LY75: variants seen among roughly 807,000 people sequenced by gnomAD.
The protein encoded by LY75 is lymphocyte antigen 75.
In LY75, 185 loss-of-function variants were observed where a neutral mutation model predicts 231.7. That is an observed-to-expected ratio of 0.80 (90% CI 0.71 to 0.90). LY75 has a LOEUF of 0.90. Ranked by LOEUF, LY75 falls within the 40% of genes least tolerant of loss-of-function variation. The probability of loss-of-function intolerance (pLI) is 0.00; values close to 1 mark genes in which losing one functional copy is unlikely to be tolerated. For synonymous variants in LY75, 668 were observed against 689.0 expected (o/e 0.97, Z 0.48); for missense variants, 1,947 against 2,050.2 (o/e 0.95, Z 0.97).
Position 159,893,941 on chromosome 2 carries a change from G to A in LY75, c.610C>T (p.Arg204Ter), listed in dbSNP as rs371307279. 3 of 1,612,364 alleles carry A rather than the reference G, an allele frequency of 1.9e-6. No individual in the cohort carries two copies. Among genetic ancestry groups the A allele is most frequent in the Non-Finnish European group, 1.7e-6 (2 of 1,179,314 alleles). ...CATTLNYEYD[R>*]KWGICLKPEN... is the part of the protein sequence containing the mutation. ...GGCTTTAAGCAGATGCCCCACTTTC[G>A]GTCATATTCATAATTTAAGGTGGTG... Residue 204 changes from arginine to a stop codon, truncating the protein, a stop_gained, in exon 3 of 35, where the codon CGA becomes TGA. Coordinates refer to ENST00000263636, the MANE Select transcript of LY75 (RefSeq NM_002349.4). LOFTEE classifies it high-confidence loss of function.
intron 23 of LY75, among the ~76,000 whole-genome samples, chr2:159,849,033 G>C (rs986304318): frequency 1.3e-5 from 2 of 152,054 alleles, no homozygotes; most frequent in East Asian, 3.8e-4. Flanking sequence ...AGTTTAAACT[G>C]TCTTAAGATT....
intron 28 of LY75, among the ~76,000 whole-genome samples, chr2:159,824,400 T>C (rs138432246): frequency 0.014 from 2,094 of 152,274 alleles, 19 homozygotes; most frequent in Admixed American, 0.029. Flanking sequence ...GAGGGATCAA[T>C]GCAGCAAGAA....
intron 26 of LY75, 123 bp from the exon 27 acceptor site, chr2:159,834,334 C>G: frequency 3.9e-6 from 5 of 1,281,662 alleles, no homozygotes; most frequent in Non-Finnish European, 5.3e-6. Context: ...CCTGGTGAAG[C>G]CTGTCTCTGT....
chr2:159,844,286 T>G (rs867312632), intron 23 of LY75, among the ~76,000 whole-genome samples: 1 of 142,518 alleles, frequency 7.0e-6, no homozygotes, highest in South Asian at 2.2e-4. Context: ...TAATACAATA[T>G]CTACTAATAT....
chr2:159,854,842 A>G, intron 17 of LY75, 62 bp downstream of exon 17: 1 of 1,595,126 alleles, frequency 6.3e-7, no homozygotes. Flanking sequence ...TAAATAATTA[A>G]CTAAATGCAT....
At chr2:159,860,979 T>C in intron 14 of LY75, 90 bp from the exon 15 acceptor site, 3 of 1,358,112 alleles carry the variant, frequency 2.2e-6, no homozygotes, top group Non-Finnish European at 3.1e-6. Context: ...ATCACTCAAG[T>C]GCGTTGATAT....
chr2:159,812,765 G>A (rs1038021280), intron 31 of LY75, among the ~76,000 whole-genome samples: 1 of 152,082 alleles, frequency 6.6e-6, no homozygotes, highest in Admixed American at 6.5e-5. Flanking sequence ...TCACTCTGTT[G>A]TACAACTATC....
chr2:159,834,110 T>C lies in LY75; in HGVS notation c.3775A>G (p.Ile1259Val), dbSNP rs746130296. ...GCCATATGCCTATTCTTTGTTATTA[T>C]GAAATTGTAGCAACAGTTCTGAAAT... ...IPFQNCCYNF[I>V]ITKNRHMATT... The change falls in exon 27 of 35, where the codon ATA becomes GTA. Residue 1259 changes from isoleucine to valine, a missense_variant. Ile to Val is a conservative substitution (Grantham distance 29). Coordinates refer to ENST00000263636, the MANE Select transcript of LY75 (RefSeq NM_002349.4). 1.9e-6 allele frequency: 3 copies of C among 1,614,076 alleles called. No homozygotes were observed. The East Asian group carries it at 6.7e-5, about 36-fold the overall frequency.
chr2:159,861,550 C>T (rs1684699126), intron 14 of LY75, among the ~76,000 whole-genome samples: 1 of 152,040 alleles, frequency 6.6e-6, no homozygotes, highest in Admixed American at 6.5e-5. Context: ...GAATTCGAGA[C>T]CAGCCTGGGC....
rs781224230 is a variant in LY75, at chr2:159,898,851, G to C, written c.303C>G (p.Asp101Glu). 1 of 1,614,226 alleles carries C rather than the reference G, an allele frequency of 6.2e-7. No individual in the cohort carries two copies. The highest frequency in any genetic ancestry group is 1.1e-5 in the South Asian group (1 of 91,088). ...SVNELRMFSC[D>E]SSAMLWWKCE... ...ATTTCCACCACAGCATGGCACTGGA[G>C]TCACAGCTGAACATTCTCAGCTCAT... The change falls in exon 2 of 35, where the codon GAC becomes GAG. Residue 101 changes from aspartate to glutamate, a missense_variant. Physicochemically the swap from Asp to Glu is conservative, Grantham distance 45 (BLOSUM62 2). Coordinates refer to ENST00000263636, the MANE Select transcript of LY75 (RefSeq NM_002349.4).
intron 12 of LY75, among the ~76,000 whole-genome samples, chr2:159,874,778 T>A (rs1464984269): frequency 3.0e-5 from 3 of 100,056 alleles, no homozygotes; most frequent in African/African-American, 7.7e-5. Context: ...ATATATATAT[T>A]TTGTAAATAT....
chr2:159,829,190 A>C (rs1683572852), intron 28 of LY75, among the ~76,000 whole-genome samples: 1 of 152,212 alleles, frequency 6.6e-6, no homozygotes, highest in African/African-American at 2.4e-5. Flanking sequence ...CCATCTCCCA[A>C]GGCAAGACCC....
intron 15 of LY75, among the ~76,000 whole-genome samples, chr2:159,858,900 T>C (rs1684619815): frequency 6.6e-6 from 1 of 152,182 alleles, no homozygotes; most frequent in Non-Finnish European, 1.5e-5. Context: ...GGATGGCTCA[T>C]TACAAATTCC....
chr2:159,882,361 T>C, intron 6 of LY75, 46 bp from the exon 7 acceptor site: 1 of 1,574,444 alleles, frequency 6.4e-7, no homozygotes, highest in Non-Finnish European at 8.6e-7. Flanking sequence ...ATACATCTAT[T>C]GTGAATCAAT....
intron 29 of LY75, among the ~76,000 whole-genome samples, chr2:159,817,418 C>CT (rs1293017103): frequency 6.6e-6 from 1 of 151,994 alleles, no homozygotes; most frequent in Admixed American, 6.5e-5. Context: ...GAAATTAAGA[C>CT]TAAAAAGAAA....
intron 13 of LY75, among the ~76,000 whole-genome samples, chr2:159,871,280 C>T (rs1282895305): frequency 2.0e-5 from 3 of 152,112 alleles, no homozygotes; most frequent in Non-Finnish European, 2.9e-5. Flanking sequence ...AACTCAATTG[C>T]TATTTGAGTA....
At chr2:159,853,402 A>C in intron 19 of LY75, 50 bp from the exon 20 acceptor site, 3 of 1,589,424 alleles carry the variant, frequency 1.9e-6, no homozygotes, top group South Asian at 2.3e-5. Context: ...TAGGTGTTCC[A>C]TTTTTTTCTT....
At chr2:159,853,418 T>C in intron 19 of LY75, 66 bp from the exon 20 acceptor site, 1 of 1,562,468 alleles carries the variant, frequency 6.4e-7, no homozygotes, top group Admixed American at 1.8e-5. Flanking sequence ...TTCTTTTTAC[T>C]GTAAGTTATT....
intron 31 of LY75, among the ~76,000 whole-genome samples, chr2:159,813,183 G>A (rs1683014585): frequency 6.6e-6 from 1 of 152,150 alleles, no homozygotes. Context: ...TACCTGAAGT[G>A]CTGGATCACA....
Sources: allele counts gnomAD v4.1 joint callset (sites outside exome capture counted in the v4.1 genomes callset), GRCh38; gene constraint gnomAD v4.1.1; transcripts MANE v1.5; gene names NCBI Gene and HGNC (gene_info 2026-07-23, HGNC 2026-07-21).